RNLS: variants seen among roughly 807,000 people sequenced by gnomAD.
RNLS encodes renalase, FAD dependent amine oxidase.
RNLS carries 39 observed loss-of-function variants against 39.8 expected under a neutral mutation model. The observed-to-expected ratio is 0.98, with a 90% CI of 0.76 to 1.28. RNLS has a LOEUF of 1.28. Ranked by LOEUF, RNLS falls within the 50% of genes most tolerant of loss-of-function variation. RNLS has a pLI of 0.00. For synonymous variants in RNLS, 147 were observed against 150.7 expected, an observed-to-expected ratio of 0.98 and a Z score of 0.18; for missense variants, 410 against 413.3, an observed-to-expected ratio of 0.99 and a Z score of 0.07.
At chr10:88,459,127 G>C (rs1186184814) in intron 4 of RNLS, among the ~76,000 whole-genome samples, 1 of 150,234 alleles carries the variant, frequency 6.7e-6, no homozygotes, top group African/African-American at 2.5e-5. Flanking sequence ...TGATGGTAAA[G>C]AGGTAGCAAG....
At chr10:88,498,721 C>A (rs1480635580) in intron 4 of RNLS, among the ~76,000 whole-genome samples, 3 of 151,762 alleles carry the variant, frequency 2.0e-5, no homozygotes, top group African/African-American at 7.3e-5. Flanking sequence ...GGAGGTGTCA[C>A]TTCTACAAAT....
At chr10:88,371,856 G>A (rs1029980577) in intron 4 of RNLS, among the ~76,000 whole-genome samples, 1 of 152,118 alleles carries the variant, frequency 6.6e-6, no homozygotes, top group Non-Finnish European at 1.5e-5. Flanking sequence ...TGCATAGCTG[G>A]CTTTTTTTGG....
chr10:88,432,762 G>A (rs1490745154), intron 4 of RNLS, among the ~76,000 whole-genome samples: 1 of 151,940 alleles, frequency 6.6e-6, no homozygotes, highest in Admixed American at 6.6e-5. Flanking sequence ...TCAATTTTTG[G>A]AGGGGCATTC....
chr10:88,437,691 G>A (rs1841487545), intron 4 of RNLS, among the ~76,000 whole-genome samples: 1 of 152,108 alleles, frequency 6.6e-6, no homozygotes, highest in Admixed American at 6.5e-5. Flanking sequence ...GGGAATAGAG[G>A]GAGGATGTTA....
At chr10:88,410,532 T>C (rs1433624646) in intron 4 of RNLS, among the ~76,000 whole-genome samples, 2 of 152,204 alleles carry the variant, frequency 1.3e-5, no homozygotes, top group Non-Finnish European at 2.9e-5. Context: ...AATCACAAAA[T>C]GAACTTGTCC....
chr10:88,302,811 T>A (rs1364877362), intron 6 of RNLS, among the ~76,000 whole-genome samples: 3 of 152,184 alleles, frequency 2.0e-5, no homozygotes, highest in African/African-American at 7.2e-5. Flanking sequence ...AGCCACTACC[T>A]TCCAGTTCCA....
In RNLS at chr10:88,447,497, C is replaced by T. The variant is rs974027343; in HGVS notation, c.527-84772G>A. ...AGGAGAACTACAAACCACTGCTCAACGAAATAAAAGAGGACACAAACAAAC... is the reference window on the plus strand; with the variant it reads ...AGGAGAACTACAAACCACTGCTCAATGAAATAAAAGAGGACACAAACAAAC... On this transcript the variant is annotated intron_variant, in intron 4 of 6. Coordinates refer to ENST00000331772, the MANE Select transcript of RNLS (RefSeq NM_001031709.3). Among the ~76,000 whole-genome samples, 11 of 152,074 alleles carry T rather than the reference C, an allele frequency of 7.2e-5. 1 individual carries two copies. Among genetic ancestry groups the T allele is most frequent in the South Asian group, 4.2e-4 (2 of 4,812 alleles).
At chr10:88,544,457 C>A (rs774761344) in intron 4 of RNLS, among the ~76,000 whole-genome samples, 6 of 152,140 alleles carry the variant, frequency 3.9e-5, no homozygotes, top group Non-Finnish European at 8.8e-5. Context: ...TGTCCCATTT[C>A]TTCTTACTAC....
chr10:88,217,226 A>G, the RNLS span, among the ~76,000 whole-genome samples: 4 of 152,228 alleles, frequency 2.6e-5, no homozygotes, highest in Non-Finnish European at 5.9e-5. Context: ...TAGTGACTAG[A>G]AAACAAGGAA....
chr10:88,521,105 C>G (rs1846698704), intron 4 of RNLS, among the ~76,000 whole-genome samples: 1 of 151,972 alleles, frequency 6.6e-6, no homozygotes, highest in Admixed American at 6.6e-5. Context: ...TCCCAACTTT[C>G]AAAGATACTG....
At chr10:88,399,956 G>A (rs1252524778) in intron 4 of RNLS, among the ~76,000 whole-genome samples, 2 of 151,898 alleles carry the variant, frequency 1.3e-5, no homozygotes, top group Admixed American at 6.6e-5. Context: ...TCCAGCTTCC[G>A]GTGGCTGTCA....
At chr10:88,382,607 T>C (rs1407803837) in intron 4 of RNLS, among the ~76,000 whole-genome samples, 1 of 152,156 alleles carries the variant, frequency 6.6e-6, no homozygotes, top group Non-Finnish European at 1.5e-5. Flanking sequence ...AGAACAAACC[T>C]GTTTAAGACT....
At chr10:88,481,556 C>T (rs1490365089) in intron 4 of RNLS, among the ~76,000 whole-genome samples, 1 of 152,104 alleles carries the variant, frequency 6.6e-6, no homozygotes, top group Non-Finnish European at 1.5e-5. Context: ...AAATAATTGT[C>T]GTGAAACATA....
chr10:88,235,437 G>A, the RNLS span, among the ~76,000 whole-genome samples: 1 of 152,142 alleles, frequency 6.6e-6, no homozygotes, highest in South Asian at 2.1e-4. Flanking sequence ...CGACTCACAT[G>A]GACAGCTGAA....
At chr10:88,209,022 C>A in the RNLS span, among the ~76,000 whole-genome samples, 2 of 152,100 alleles carry the variant, frequency 1.3e-5, no homozygotes, top group Non-Finnish European at 2.9e-5. Context: ...TTAAATTAAT[C>A]GGATAGCTTT....
chr10:88,222,520 A>G, the RNLS span, among the ~76,000 whole-genome samples: 1 of 152,120 alleles, frequency 6.6e-6, no homozygotes, highest in African/African-American at 2.4e-5. Flanking sequence ...AATAATAATA[A>G]TATACCTTAG....
At chr10:88,534,524 G>C (rs1449621603) in intron 4 of RNLS, among the ~76,000 whole-genome samples, 1 of 152,120 alleles carries the variant, frequency 6.6e-6, no homozygotes, top group East Asian at 1.9e-4. Flanking sequence ...ATACACCTGA[G>C]ATTGGTGCTA....
At chr10:88,356,568 C>A (rs1297276255) in intron 5 of RNLS, among the ~76,000 whole-genome samples, 1 of 152,178 alleles carries the variant, frequency 6.6e-6, no homozygotes, top group Non-Finnish European at 1.5e-5. Context: ...AATAACACTT[C>A]TGCATATTTT....
chr10:88,212,427 G>A, the RNLS span, among the ~76,000 whole-genome samples: 1 of 152,136 alleles, frequency 6.6e-6, no homozygotes, highest in East Asian at 1.9e-4. Flanking sequence ...AAGTTCTTCA[G>A]ATGGTTCTCT....
Sources: allele counts gnomAD v4.1 joint callset (sites outside exome capture counted in the v4.1 genomes callset), GRCh38; gene constraint gnomAD v4.1.1; transcripts MANE v1.5; gene names NCBI Gene and HGNC (gene_info 2026-07-23, HGNC 2026-07-21).